The following SRBD1 variants were observed in gnomAD, a reference collection of about 807,000 sequenced individuals.
SRBD1 encodes the protein S1 RNA binding domain 1, also known as S1 RNA-binding domain-containing protein 1.
A neutral mutation model predicts 115.3 loss-of-function variants in SRBD1; 88 were observed. The ratio of observed to expected loss-of-function variants is 0.76; its 90% confidence interval spans 0.64 to 0.91. The LOEUF is 0.91. Ranked by LOEUF, SRBD1 falls within the 40% of genes least tolerant of loss-of-function variation. SRBD1 has a pLI of 0.00. For synonymous variants in SRBD1, 509 were observed against 407.7 expected, an observed-to-expected ratio of 1.25 and a Z score of -2.99; for missense variants, 1,385 against 1,177.4, an observed-to-expected ratio of 1.18 and a Z score of -2.58.
At chr2:45,605,197 A>T (rs1674226938) in intron 2 of SRBD1, among the ~76,000 whole-genome samples, 165 bp downstream of exon 2, 1 of 152,248 alleles carries the variant, frequency 6.6e-6, no homozygotes, top group Non-Finnish European at 1.5e-5. Flanking sequence ...AACACTAGAC[A>T]GAACCTGGAA....
intron 19 of SRBD1, among the ~76,000 whole-genome samples, chr2:45,402,811 T>C (rs913501591): frequency 6.6e-6 from 1 of 152,114 alleles, no homozygotes; most frequent in Non-Finnish European, 1.5e-5. Context: ...CAAATCAGCA[T>C]CATCTGCAGC....
At position 45,476,976 on chromosome 2, in the gene SRBD1, G is replaced by T. The variant is rs772441175; in HGVS notation, c.2049+17C>A. 3.0e-5 allele frequency: 48 copies of T among 1,609,940 alleles called. No individual in the cohort carries two copies. Among genetic ancestry groups the T allele is most frequent in the Non-Finnish European group, 4.0e-5 (47 of 1,176,940 alleles). ...TATTGATGGATTTCATAAATTAAATGATCCACATAGCTTTACCTGATACAT... is the reference window on the plus strand; with the variant it reads ...TATTGATGGATTTCATAAATTAAATTATCCACATAGCTTTACCTGATACAT... On this transcript the variant is annotated intron_variant, in intron 16 of 20. Transcript: ENST00000263736.
At chr2:45,451,027 G>A (rs1668976495) in intron 16 of SRBD1, among the ~76,000 whole-genome samples, 1 of 152,024 alleles carries the variant, frequency 6.6e-6, no homozygotes, top group African/African-American at 2.4e-5. Flanking sequence ...AACAGTAGAC[G>A]GCCATTTTCA....
At chr2:45,505,513 G>A (rs1670771001) in intron 14 of SRBD1, among the ~76,000 whole-genome samples, 2 of 152,192 alleles carry the variant, frequency 1.3e-5, no homozygotes, top group African/African-American at 4.8e-5. Context: ...TATCCTGTGT[G>A]TATAATTTGG....
chr2:45,577,793 A>G (rs1041680595), intron 7 of SRBD1, among the ~76,000 whole-genome samples: 2 of 152,200 alleles, frequency 1.3e-5, no homozygotes, highest in Admixed American at 1.3e-4. Flanking sequence ...GGAGGAGACA[A>G]AGAGAAAGAG....
chr2:45,592,464 C>CAGTGTGCCTGAG (rs1327145321), intron 4 of SRBD1, among the ~76,000 whole-genome samples: 2 of 152,166 alleles, frequency 1.3e-5, no homozygotes, highest in African/African-American at 4.8e-5. Context: ...CACTTGACCT[C>CAGTGTGCCTGAG]AGTGCCTGCT....
chr2:45,404,785 T>A (rs1667383051), intron 19 of SRBD1, among the ~76,000 whole-genome samples: 1 of 152,148 alleles, frequency 6.6e-6, no homozygotes, highest in Non-Finnish European at 1.5e-5. Context: ...GTCAAACCCC[T>A]ATAGTAGCCT....
chr2:45,576,526 T>C (rs1450758208), intron 7 of SRBD1, among the ~76,000 whole-genome samples: 1 of 152,230 alleles, frequency 6.6e-6, no homozygotes, highest in Non-Finnish European at 1.5e-5. Flanking sequence ...CTAATGAAAC[T>C]AATAGTAATT....
At chr2:45,422,290 C>T (rs768206294) in intron 16 of SRBD1, among the ~76,000 whole-genome samples, 1 of 152,068 alleles carries the variant, frequency 6.6e-6, no homozygotes, top group Non-Finnish European at 1.5e-5. Flanking sequence ...GTTGTCAACC[C>T]CTTCTCCTCC....
At chr2:45,548,964 G>T (rs991685870) in intron 12 of SRBD1, 2 of 152,164 alleles carry the variant, frequency 1.3e-5, no homozygotes, top group African/African-American at 4.8e-5. Flanking sequence ...CTGAGAACAG[G>T]AGAATCCCAA....
At chr2:45,583,624 T>C (rs1214578555) in intron 5 of SRBD1, among the ~76,000 whole-genome samples, 14 of 152,208 alleles carry the variant, frequency 9.2e-5, no homozygotes, top group Admixed American at 9.2e-4. Flanking sequence ...ATTCACTATT[T>C]CATTTTTTAA....
In SRBD1 at chr2:45,490,458, T is replaced by C. The variant is rs999015695; in HGVS notation, c.1875-2127A>G. Among the ~76,000 whole-genome samples the C allele has an allele frequency of 3.3e-5, 5 of 152,190 alleles. 1 individual carries two copies. ...TTAGCCACCACCTATGGAAAATTCA[T>C]TTTTAAATACAAATCAACATTCAAT... On this transcript the variant is annotated intron_variant, in intron 14 of 20. Coordinates refer to ENST00000263736, the MANE Select transcript of SRBD1 (RefSeq NM_018079.5).
rs1258838238 is a variant in SRBD1, at chr2:45,602,058, T to C, written c.106A>G (p.Lys36Glu). The change falls in exon 3 of 21, where the codon AAG becomes GAG. Residue 36 changes from lysine to glutamate, a missense_variant. By Grantham distance (56) the Lys-to-Glu change is moderately conservative. Transcript: ENST00000263736. ...TGGGGCTCCCAGGCACTATCTTCCT[T>C]GTCATCTTCTTCAGAGGCAGATGAT... ...ELSSASEEDD[K>E]EDSAWEPQKK... 5 of 1,613,916 alleles carry C rather than the reference T, an allele frequency of 3.1e-6. No individual in the cohort carries two copies. The South Asian group carries it at 5.5e-5, about 18-fold the overall frequency.
At chr2:45,601,259 A>G (rs1183996617) in intron 3 of SRBD1, among the ~76,000 whole-genome samples, 2 of 152,240 alleles carry the variant, frequency 1.3e-5, no homozygotes, top group Non-Finnish European at 2.9e-5. Flanking sequence ...ATGCTCATCA[A>G]GTAAATTTCT....
chr2:45,521,951 G>C (rs1362751054), intron 14 of SRBD1, among the ~76,000 whole-genome samples: 4 of 150,790 alleles, frequency 2.7e-5, no homozygotes, highest in African/African-American at 9.8e-5. Context: ...CTGGATGACA[G>C]AGCAACATCC....
In SRBD1 at chr2:45,546,744, T is replaced by C. The variant is rs754207730; in HGVS notation, c.1862A>G (p.Asp621Gly). The change falls in exon 14 of 21, where the codon GAT (aspartate) becomes GGT (glycine). Residue 621 changes from aspartate to glycine, a missense_variant. Physicochemically the swap from Asp to Gly is moderately conservative, Grantham distance 94. Transcript: ENST00000263736. ...LIMKNYFAPL[D>G]VVYCIVSEAG... ...GTAATAGCCTTACCAGTAAACAACATCCAGTGGTGCAAAATAATTCTTCAT... is the reference window on the plus strand; with the variant it reads ...GTAATAGCCTTACCAGTAAACAACACCCAGTGGTGCAAAATAATTCTTCAT... 3.1e-6 allele frequency: 5 copies of C among 1,614,034 alleles called. No homozygotes were observed. The highest frequency in any genetic ancestry group is 4.5e-5 in the East Asian group (2 of 44,876).
intron 12 of SRBD1, among the ~76,000 whole-genome samples, chr2:45,549,696 C>A (rs867867371): frequency 4.7e-3 from 394 of 84,476 alleles, no homozygotes; most frequent in East Asian, 0.014. Context: ...ACTAAAAATA[C>A]AAAAAAAAAA....
chr2:45,414,401 ATAC>A (rs1369049162), intron 18 of SRBD1, among the ~76,000 whole-genome samples: 1 of 150,390 alleles, frequency 6.6e-6, no homozygotes, highest in Non-Finnish European at 1.5e-5. Flanking sequence ...GTAAATATAT[ATAC>A]ATTATGTGTA....
chr2:45,427,744 T>TA (rs1668201181), intron 16 of SRBD1, among the ~76,000 whole-genome samples: 1 of 152,144 alleles, frequency 6.6e-6, no homozygotes, highest in Non-Finnish European at 1.5e-5. Context: ...ATTCCAGCAG[T>TA]ACATCAAAAA....
Sources: allele counts gnomAD v4.1 joint callset (sites outside exome capture counted in the v4.1 genomes callset), GRCh38; gene constraint gnomAD v4.1.1; transcripts MANE v1.5; gene names NCBI Gene and HGNC (gene_info 2026-07-23, HGNC 2026-07-21).